Variants in ARHGAP32 observed in about 807,000 individuals in gnomAD.
ARHGAP32 encodes the protein Rho GTPase activating protein 32.
Under a neutral mutation model 186.5 loss-of-function variants are expected in ARHGAP32, and 51 were observed. That is an observed-to-expected ratio of 0.27 (90% CI 0.22 to 0.35). ARHGAP32 has a LOEUF of 0.35. Among genes scored for constraint, ARHGAP32 ranks in the 10% least tolerant of loss-of-function variants. The pLI, the probability that ARHGAP32 is intolerant of heterozygous loss-of-function variation, is 1.00. For synonymous variants in ARHGAP32, 950 were observed against 964.3 expected, an observed-to-expected ratio of 0.99 and a Z score of 0.27; for missense variants, 2,186 against 2,623.5, an observed-to-expected ratio of 0.83 and a Z score of 3.64.
At chr11:129,152,807 T>C (rs900879174) in intron 2 of ARHGAP32, among the ~76,000 whole-genome samples, 1 of 152,190 alleles carries the variant, frequency 6.6e-6, no homozygotes, top group African/African-American at 2.4e-5. Context: ...GCTGAAAGCA[T>C]TGCCCCTGAG....
In ARHGAP32 at chr11:128,966,478, A is replaced by G. The variant is rs904615792; in HGVS notation, c.*2429T>C. On this transcript the variant is annotated 3_prime_UTR_variant, in exon 23 of 23. Coordinates refer to ENST00000682385, the MANE Select transcript of ARHGAP32 (RefSeq NM_001378024.1). Reference sequence around the variant, plus strand: ...GCTGTTGCTAGCATGCATTAAATGAAGCAACTCTAGATTTGATCTGAAGTT... The same window carrying G: ...GCTGTTGCTAGCATGCATTAAATGAGGCAACTCTAGATTTGATCTGAAGTT... 1.3e-5 allele frequency: 2 copies of G among 152,236 alleles called. No individual in the cohort carries two copies. Among genetic ancestry groups the G allele is most frequent in the Non-Finnish European group, 2.9e-5 (2 of 68,048 alleles). The allele number at this position is 152,236 out of a possible 1,614,324, so 9.4% of individuals were successfully genotyped here. A position where few individuals can be genotyped will look rare whatever the true frequency, so the allele number is the denominator to read the frequency against.
chr11:128,989,280 G>GATA (rs1037829763), intron 12 of ARHGAP32, among the ~76,000 whole-genome samples: 3 of 151,936 alleles, frequency 2.0e-5, no homozygotes, highest in African/African-American at 7.3e-5. Flanking sequence ...ACCAGCAGCT[G>GATA]ATAGTATTAA....
intron 10 of ARHGAP32, among the ~76,000 whole-genome samples, chr11:129,048,021 T>C (rs1206490637): frequency 6.6e-6 from 1 of 152,188 alleles, no homozygotes; most frequent in Non-Finnish European, 1.5e-5. Flanking sequence ...CATTTACTTA[T>C]AGCCTAGTAA....
intron 1 of ARHGAP32, among the ~76,000 whole-genome samples, chr11:129,213,266 G>A (rs77338603): frequency 2.9e-4 from 44 of 152,188 alleles, no homozygotes; most frequent in African/African-American, 9.9e-4. Flanking sequence ...ACCTTTCACC[G>A]AAAATGGACA....
intron 10 of ARHGAP32, among the ~76,000 whole-genome samples, chr11:129,058,554 C>T (rs114883938): frequency 8.2e-4 from 125 of 152,298 alleles, no homozygotes; most frequent in African/African-American, 2.8e-3. Context: ...AAGCTAAACT[C>T]ATGGTTTTCA....
chr11:128,969,433 T>C lies in ARHGAP32; in HGVS notation c.5780A>G (p.Asp1927Gly), dbSNP rs147292786. 1,332 of 1,614,192 alleles carry C rather than the reference T, an allele frequency of 8.3e-4. 8 individuals are homozygous for C. Among genetic ancestry groups the C allele is most frequent in the Non-Finnish European group, 8.4e-5 (99 of 1,180,024 alleles). ...GTGGTAGCTGACTGGCTCAGAAGTG[T>C]CTGGAATCCCTTTGGACCCATAATC... ...QLDYGSKGIP[D>G]TSEPVSYHNS... The change falls in exon 23 of 23, where the codon GAC becomes GGC. Residue 1927 changes from aspartate (D) to glycine (G), a missense_variant. By Grantham distance (94) the Asp-to-Gly change is moderately conservative. Coordinates refer to ENST00000682385, the MANE Select transcript of ARHGAP32 (RefSeq NM_001378024.1). This position sits in a 1 kb window ranked among gnomAD's most constrained non-coding sequence, Gnocchi z 4.8.
intron 1 of ARHGAP32, among the ~76,000 whole-genome samples, chr11:129,271,497 T>C (rs1483851783): frequency 1.3e-5 from 2 of 151,974 alleles, no homozygotes; most frequent in African/African-American, 4.8e-5. Flanking sequence ...GAGTAATTCA[T>C]AGCCCTCCTT....
chr11:129,258,289 AC>A (rs1945280550), intron 1 of ARHGAP32, among the ~76,000 whole-genome samples: 1 of 152,090 alleles, frequency 6.6e-6, no homozygotes, highest in South Asian at 2.1e-4. Flanking sequence ...ACATTGATCA[AC>A]CCCAGGTGGT....
chr11:129,152,987 C>T (rs570131986), intron 2 of ARHGAP32, among the ~76,000 whole-genome samples: 1 of 152,160 alleles, frequency 6.6e-6, no homozygotes, highest in South Asian at 2.1e-4. Flanking sequence ...CTAGAAAACC[C>T]TAATGACTCA....
intron 6 of ARHGAP32, among the ~76,000 whole-genome samples, chr11:129,088,996 A>T (rs987213025): frequency 2.0e-5 from 1 of 48,886 alleles, no homozygotes; most frequent in Admixed American, 2.1e-4. Flanking sequence ...AGACCTTGTC[A>T]AAAAAAAAAA....
At chr11:129,074,450 T>G (rs1940972769) in intron 6 of ARHGAP32, among the ~76,000 whole-genome samples, 1 of 152,184 alleles carries the variant, frequency 6.6e-6, no homozygotes, top group Admixed American at 6.5e-5. Flanking sequence ...CTAGGATTAG[T>G]TGTAATGTAT....
intron 2 of ARHGAP32, chr11:129,126,021 T>A (rs1166205028): frequency 2.3e-6 from 1 of 440,754 alleles, no homozygotes; most frequent in Non-Finnish European, 4.5e-6. Flanking sequence ...TTTTCCTCTA[T>A]CTTGAAACAA....
intron 5 of ARHGAP32, among the ~76,000 whole-genome samples, chr11:129,100,051 C>A (rs1014345752): frequency 7.9e-5 from 12 of 152,170 alleles, no homozygotes; most frequent in Non-Finnish European, 1.8e-4. Context: ...AGGCAGAGAC[C>A]CCCCTTTGAC....
intron 11 of ARHGAP32, among the ~76,000 whole-genome samples, chr11:129,035,714 T>A (rs1476947127): frequency 1.3e-5 from 2 of 151,886 alleles, no homozygotes; most frequent in African/African-American, 4.8e-5. Flanking sequence ...CGTGGCGGCA[T>A]GTGTCTGTAA....
chr11:129,187,077 A>C (rs1177381360), intron 1 of ARHGAP32, among the ~76,000 whole-genome samples: 1 of 152,216 alleles, frequency 6.6e-6, no homozygotes, highest in Non-Finnish European at 1.5e-5. Flanking sequence ...TATTTGTTGC[A>C]GCACTGTTCA....
intron 1 of ARHGAP32, among the ~76,000 whole-genome samples, chr11:129,164,698 T>G (rs1194625024): frequency 1.3e-5 from 2 of 152,176 alleles, no homozygotes; most frequent in Non-Finnish European, 2.9e-5. Context: ...AAACTGATTT[T>G]TATCAGTTCA....
chr11:129,263,031 C>A (rs1945345329), intron 1 of ARHGAP32, among the ~76,000 whole-genome samples: 2 of 152,060 alleles, frequency 1.3e-5, no homozygotes, highest in Non-Finnish European at 2.9e-5. Flanking sequence ...TCTGAGAAAC[C>A]TGGATATTCA....
At chr11:129,189,648 G>A (rs1294105138) in intron 1 of ARHGAP32, among the ~76,000 whole-genome samples, 1 of 152,100 alleles carries the variant, frequency 6.6e-6, no homozygotes, top group African/African-American at 2.4e-5. Context: ...TAAGAAATCA[G>A]AAAATGAAAG....
chr11:129,273,011 T>A (rs1490199897), intron 1 of ARHGAP32, among the ~76,000 whole-genome samples: 5 of 152,164 alleles, frequency 3.3e-5, no homozygotes, highest in African/African-American at 1.2e-4. Context: ...TGCTTCTCCA[T>A]CAAAGACAGA....
Sources: gnomAD v4.1 joint callset for allele counts (sites outside exome capture counted in the v4.1 genomes callset) on GRCh38, gnomAD v4.1.1 for gene constraint, Gnocchi (gnomAD v3.1) non-coding constraint, MANE v1.5 for transcripts, NCBI Gene and HGNC (gene_info 2026-07-23, HGNC 2026-07-21) for gene names.